The following ANO2 variants were observed in gnomAD, a reference collection of about 807,000 sequenced individuals.
ANO2 encodes anoctamin 2.
In ANO2, 101 loss-of-function variants were observed where a neutral mutation model predicts 124.2. The observed-to-expected ratio is 0.81, with a 90% CI of 0.69 to 0.96. The LOEUF (loss-of-function observed/expected upper bound fraction) is 0.96. ANO2 is among the 40% of genes least tolerant of loss of function. ANO2 has a pLI of 0.00. For missense variants in ANO2, 1,293 were observed against 1,274.5 expected, an observed-to-expected ratio of 1.01 and a Z score of -0.22; for synonymous variants, 486 against 482.5, an observed-to-expected ratio of 1.01 and a Z score of -0.09.
Position 5,612,919 on chromosome 12 carries a change from A to C in ANO2, c.1968T>G (p.Asp656Glu). ...TACTTGCCTCTTCCATGCGGTAACC[A>C]TCGAATACATAGACGTAGCTTCCAG... is the stretch of plus-strand genomic sequence containing the variant. Reference protein sequence around the residue: ...GRPGSYVYVFDGYRMEECAPG... With the variant: ...GRPGSYVYVFEGYRMEECAPG... Residue 656 changes from aspartate to glutamate, a missense_variant, in exon 18 of 25, where the codon GAT (aspartate) becomes GAG (glutamate). Coordinates refer to ENST00000682330, the MANE Select transcript of ANO2 (RefSeq NM_001364791.2). The C allele has an allele frequency of 6.2e-7, 1 of 1,613,932 alleles. No individual in the cohort carries two copies. Among genetic ancestry groups the C allele is most frequent in the Non-Finnish European group, 8.5e-7 (1 of 1,179,866 alleles).
At chr12:5,773,490 T>C (rs1379246763) in intron 10 of ANO2, among the ~76,000 whole-genome samples, 1 of 152,172 alleles carries the variant, frequency 6.6e-6, no homozygotes, top group Non-Finnish European at 1.5e-5. Flanking sequence ...TCAGAAGATT[T>C]ATATGAGTTA....
At chr12:5,678,787 T>C (rs1208673215) in intron 14 of ANO2, among the ~76,000 whole-genome samples, 1 of 152,236 alleles carries the variant, frequency 6.6e-6, no homozygotes, top group East Asian at 1.9e-4. Flanking sequence ...AAAATCCAGC[T>C]TAAAATTTGC....
intron 4 of ANO2, among the ~76,000 whole-genome samples, chr12:5,843,394 A>G (rs1315931036): frequency 6.6e-6 from 1 of 152,048 alleles, no homozygotes; most frequent in Non-Finnish European, 1.5e-5. Flanking sequence ...TAGTAAAAAT[A>G]CAAAAATGAG....
At chr12:5,723,636 C>T (rs796425817) in intron 14 of ANO2, among the ~76,000 whole-genome samples, 19 of 132,650 alleles carry the variant, frequency 1.4e-4, no homozygotes, top group African/African-American at 4.8e-4. Flanking sequence ...GGCGGGGGCG[C>T]GGGTAGAGAA....
intron 3 of ANO2, among the ~76,000 whole-genome samples, chr12:5,888,190 GGTGA>G (rs2136268547): frequency 6.6e-6 from 1 of 151,904 alleles, no homozygotes; most frequent in African/African-American, 2.4e-5. Context: ...AGACCTTCGC[GGTGA>G]GTGTTACAGC....
chr12:5,599,073 A>G (rs184598156), intron 20 of ANO2, among the ~76,000 whole-genome samples: 3 of 152,340 alleles, frequency 2.0e-5, no homozygotes, highest in Admixed American at 2.0e-4. Flanking sequence ...CCCAAGTGTC[A>G]TCGGATACTT....
At chr12:5,894,250 T>G (rs953555933) in intron 3 of ANO2, among the ~76,000 whole-genome samples, 1 of 152,000 alleles carries the variant, frequency 6.6e-6, no homozygotes. Context: ...TGGTGATGAG[T>G]TTTTTTTCAT....
chr12:5,581,975 C>T (rs1942780968), intron 20 of ANO2, among the ~76,000 whole-genome samples: 1 of 152,224 alleles, frequency 6.6e-6, no homozygotes, highest in Non-Finnish European at 1.5e-5. Flanking sequence ...AAAACCATAA[C>T]TCTCTAGCAT....
chr12:5,883,613 C>T (rs1242158141), intron 3 of ANO2, among the ~76,000 whole-genome samples: 1 of 151,762 alleles, frequency 6.6e-6, no homozygotes, highest in East Asian at 1.9e-4. Context: ...AGGTGGCCCC[C>T]ATGGAGAAGC....
chr12:5,621,087 C>G (rs1945096022), intron 16 of ANO2, among the ~76,000 whole-genome samples: 1 of 152,126 alleles, frequency 6.6e-6, no homozygotes, highest in African/African-American at 2.4e-5. Flanking sequence ...TGAAAGGTCA[C>G]TTTCGGTTTC....
rs1940530296 is a variant in ANO2 at position 5,904,370 on chromosome 12, C to T, written c.534+16670G>A. ...GCAGCTGCCGCAAAGCAGGGTTACA[C>T]TGAAGGGTCTGAATGAGTGGGATTG... On this transcript the variant is annotated intron_variant, in intron 3 of 24. Transcript: ENST00000682330. This position sits in a 1 kb window ranked among gnomAD's most constrained non-coding sequence, Gnocchi z 4.1. Among the ~76,000 whole-genome samples the T allele has an allele frequency of 6.6e-6, 1 of 152,178 alleles. No homozygotes were observed. Among genetic ancestry groups the T allele is most frequent in the Non-Finnish European group, 1.5e-5 (1 of 68,034 alleles).
chr12:5,724,173 TCTC>T (rs1195966627), intron 14 of ANO2, among the ~76,000 whole-genome samples: 3 of 152,044 alleles, frequency 2.0e-5, no homozygotes, highest in African/African-American at 7.3e-5. Flanking sequence ...CAGGCTCACA[TCTC>T]ACCTCAGCTT....
intron 14 of ANO2, among the ~76,000 whole-genome samples, chr12:5,713,340 T>C (rs1288577365): frequency 6.6e-6 from 1 of 152,228 alleles, no homozygotes; most frequent in Non-Finnish European, 1.5e-5. Context: ...CATGCATTTA[T>C]TCTTGTTTTA....
intron 11 of ANO2, among the ~76,000 whole-genome samples, chr12:5,750,596 C>T (rs747210658): frequency 2.1e-4 from 32 of 152,264 alleles, no homozygotes; most frequent in Non-Finnish European, 4.0e-4. Flanking sequence ...CATCCCCCTG[C>T]CCTGGAGAAG....
At chr12:5,847,317 T>C (rs1222278773) in intron 4 of ANO2, among the ~76,000 whole-genome samples, 2 of 152,226 alleles carry the variant, frequency 1.3e-5, no homozygotes, top group East Asian at 3.8e-4. Context: ...TTGGCTTTCC[T>C]AGTTCTCAGG....
At chr12:5,940,190 T>C (rs546557695) in intron 1 of ANO2, among the ~76,000 whole-genome samples, 10 of 152,320 alleles carry the variant, frequency 6.6e-5, no homozygotes, top group East Asian at 3.9e-4. Flanking sequence ...ATGTTGTCAA[T>C]TTAGAGAAAG....
At chr12:5,807,855 C>G (rs1322723228) in intron 7 of ANO2, among the ~76,000 whole-genome samples, 1 of 152,330 alleles carries the variant, frequency 6.6e-6, no homozygotes, top group South Asian at 2.1e-4. Context: ...CAGGAAGCAA[C>G]AGGGCAGTGG....
chr12:5,705,834 C>T (rs1465316414), intron 14 of ANO2, among the ~76,000 whole-genome samples: 1 of 152,208 alleles, frequency 6.6e-6, no homozygotes, highest in East Asian at 1.9e-4. Flanking sequence ...CTTCAAACTG[C>T]CTCAGACTGT....
chr12:5,744,370 C>T (rs545839004), intron 11 of ANO2, 53 bp from the exon 12 acceptor site: 2 of 1,596,672 alleles, frequency 1.3e-6, no homozygotes, highest in Non-Finnish European at 1.7e-6. Flanking sequence ...TGGTCCACTC[C>T]AAGAAAAATA....
Sources: allele counts gnomAD v4.1 joint callset (sites outside exome capture counted in the v4.1 genomes callset), GRCh38; gene constraint gnomAD v4.1.1; non-coding constraint Gnocchi (gnomAD v3.1); transcripts MANE v1.5; gene names NCBI Gene and HGNC (gene_info 2026-07-23, HGNC 2026-07-21).